Variants in SH2D3C observed in about 807,000 individuals in gnomAD.
The protein encoded by SH2D3C is SH2 domain containing 3C.
SH2D3C carries 25 observed loss-of-function variants against 75.2 expected under a neutral mutation model. That is an observed-to-expected ratio of 0.33 (90% CI 0.24 to 0.46). SH2D3C has a LOEUF of 0.46. Ranked by LOEUF, SH2D3C falls within the 20% of genes least tolerant of loss-of-function variation. The pLI is 1.00. For missense variants in SH2D3C, 933 were observed against 1,165.3 expected (o/e 0.80, Z 2.90); for synonymous variants, 450 against 473.7 (o/e 0.95, Z 0.65).
Position 127,739,441 on chromosome 9 carries a change from C to T in SH2D3C, c.2407+241G>A, listed in dbSNP as rs1302749529. Among the ~76,000 whole-genome samples, 1 of 151,540 alleles carries T rather than the reference C, an allele frequency of 6.6e-6. No individual in the cohort carries two copies. The highest frequency in any genetic ancestry group is 2.4e-5 in the African/African-American group (1 of 41,178). The stretch of plus-strand genomic sequence containing the variant: ...AGGAGAATCGCTTGAACTTGGGAGG[C>T]GGAGGTTGCAGTGAGCCGAGACTGT... On this transcript the variant is annotated intron_variant, in intron 11 of 11. Transcript: ENST00000314830. The surrounding 1 kb of genome is among the most constrained non-coding windows in gnomAD (Gnocchi z 4.3).
chr9:127,767,400 G>T, intron 2 of SH2D3C: 2 of 1,168,164 alleles, frequency 1.7e-6, no homozygotes, highest in Non-Finnish European at 2.3e-6. Flanking sequence ...GCATGCAGCT[G>T]CTCAGACTAG....
At chr9:127,761,860 C>CATTT (rs1314308001) in intron 2 of SH2D3C, among the ~76,000 whole-genome samples, 2 of 152,196 alleles carry the variant, frequency 1.3e-5, no homozygotes, top group Admixed American at 6.5e-5. Flanking sequence ...TCTGAGCCTG[C>CATTT]ATTTCGTATC....
chr9:127,742,069 G>T, intron 8 of SH2D3C, 110 bp from the exon 9 acceptor site: 2 of 1,059,498 alleles, frequency 1.9e-6, no homozygotes, highest in Non-Finnish European at 2.7e-6. Flanking sequence ...CGGAGCCAAC[G>T]TGAGAGGTTG....
intron 1 of SH2D3C, among the ~76,000 whole-genome samples, chr9:127,775,349 G>A (rs920705571): frequency 6.6e-6 from 1 of 152,058 alleles, no homozygotes; most frequent in Non-Finnish European, 1.5e-5. Flanking sequence ...AAAAAGTAAG[G>A]CCTGGTGCCA....
intron 2 of SH2D3C, chr9:127,771,150 C>T (rs762311298): frequency 2.7e-6 from 4 of 1,496,262 alleles, no homozygotes; most frequent in Non-Finnish European, 3.6e-6. Context: ...CTCCTGCTCC[C>T]CGCTGGCCCT....
Position 127,774,201 on chromosome 9 carries a change from G to C in SH2D3C, c.304C>G (p.Pro102Ala). 6.2e-7 allele frequency: 1 copy of C among 1,613,882 alleles called. No individual in the cohort carries two copies. Among genetic ancestry groups the C allele is most frequent in the Non-Finnish European group, 8.5e-7 (1 of 1,179,918 alleles). The change falls in exon 2 of 12, where the codon CCC (proline) becomes GCC (alanine). Residue 102 changes from proline (P) to alanine (A), a missense_variant. Transcript: ENST00000314830. This position sits in a 1 kb window ranked among gnomAD's most constrained non-coding sequence, Gnocchi z 4.3. Reference protein sequence around the residue: ...QAARQAQEAGPKPNLVPGGVP... With the variant: ...QAARQAQEAGAKPNLVPGGVP... ...CCTCCGGGTACCAAGTTGGGCTTGG[G>C]ACCCGCCTCCTGGGCCTGCCGGGCA...
intron 6 of SH2D3C, among the ~76,000 whole-genome samples, chr9:127,746,409 C>A (rs1810566428): frequency 6.6e-6 from 1 of 152,166 alleles, no homozygotes; most frequent in African/African-American, 2.4e-5. Context: ...ATGTTTCTAA[C>A]AGAGAAACTT....
At chr9:127,745,152 A>G in intron 6 of SH2D3C, 53 bp from the exon 7 acceptor site, 3 of 1,405,710 alleles carry the variant, frequency 2.1e-6, no homozygotes, top group Non-Finnish European at 2.8e-6. Flanking sequence ...CACCAAAGTG[A>G]GATTCCCGCA....
chr9:127,755,452 AGC>A (rs1845354488), intron 3 of SH2D3C: 1 of 253,418 alleles, frequency 3.9e-6, no homozygotes, highest in African/African-American at 2.3e-5. Context: ...GCGGGCGCGG[AGC>A]GGAGGACCTG....
Position 127,742,930 on chromosome 9 carries a change from T to C in SH2D3C, c.1835A>G (p.Gln612Arg), listed in dbSNP as rs747830158. ...ARILGVTKEM[Q>R]TLMGVRWGME... ...GCCCCAGCGGACTCCCATTAGGGTC[T>C]GCATCTCCTTGGTAACGCCCAGTAT... The change falls in exon 8 of 12, where the codon CAG becomes CGG. Residue 612 changes from glutamine to arginine, a missense_variant. Physicochemically the swap from Gln to Arg is conservative, Grantham distance 43. Coordinates refer to ENST00000314830, the MANE Select transcript of SH2D3C (RefSeq NM_170600.3). 5.0e-6 allele frequency: 8 copies of C among 1,613,792 alleles called. No individual in the cohort carries two copies. In the African/African-American group the frequency reaches 1.1e-4, roughly 22 times the overall value.
chr9:127,744,260 G>A (rs1022608590), intron 7 of SH2D3C, among the ~76,000 whole-genome samples: 2 of 151,814 alleles, frequency 1.3e-5, no homozygotes, highest in African/African-American at 4.8e-5. Flanking sequence ...TAGTAGAGAC[G>A]GGGTTTCGCC....
intron 2 of SH2D3C, among the ~76,000 whole-genome samples, chr9:127,770,471 T>A (rs1002803314): frequency 3.3e-5 from 5 of 152,126 alleles, no homozygotes; most frequent in Non-Finnish European, 5.9e-5. Context: ...AGGACCAGAA[T>A]GGGGCAGGGC....
intron 2 of SH2D3C, among the ~76,000 whole-genome samples, chr9:127,768,176 C>T (rs935116474): frequency 6.6e-6 from 1 of 152,218 alleles, no homozygotes; most frequent in South Asian, 2.1e-4. Flanking sequence ...GACCCCCACC[C>T]CTGGTGGGTA....
Position 127,754,679 on chromosome 9 carries a change from C to G in SH2D3C, c.556-3379G>C, listed in dbSNP as rs1006031730. ...CTGCTCCTCACTCAGTCTTCAGATC[C>G]CAGTCCGGCGCCCCCGGTACAATGG... is the stretch of plus-strand genomic sequence containing the variant. On this transcript the variant is annotated intron_variant, in intron 3 of 11. Coordinates refer to ENST00000314830, the MANE Select transcript of SH2D3C (RefSeq NM_170600.3). The surrounding 1 kb of genome is among the most constrained non-coding windows in gnomAD (Gnocchi z 4.4). Among the ~76,000 whole-genome samples, 1 of 152,062 alleles carries G rather than the reference C, an allele frequency of 6.6e-6. No homozygotes were observed. The highest frequency in any genetic ancestry group is 2.4e-5 in the African/African-American group (1 of 41,408).
intron 6 of SH2D3C, among the ~76,000 whole-genome samples, chr9:127,746,229 G>C (rs987419014): frequency 2.6e-5 from 4 of 152,166 alleles, no homozygotes; most frequent in African/African-American, 9.7e-5. Flanking sequence ...TCTGTGTTTA[G>C]GGAAGGATTT....
At chr9:127,773,563 T>A (rs954554217) in intron 2 of SH2D3C, among the ~76,000 whole-genome samples, 3 of 152,146 alleles carry the variant, frequency 2.0e-5, no homozygotes, top group African/African-American at 7.2e-5. Context: ...TAATTACAAG[T>A]AAAGGGTTTA....
chr9:127,769,653 T>A (rs1451023980), intron 2 of SH2D3C, among the ~76,000 whole-genome samples: 3 of 123,032 alleles, frequency 2.4e-5, no homozygotes, highest in African/African-American at 1.0e-4. Flanking sequence ...CAAAACTCCA[T>A]CTCGAAAAAA....
In SH2D3C at chr9:127,754,183, CG is replaced by C. The variant is rs772810620; in HGVS notation, c.556-2884del. On this transcript the variant is annotated intron_variant, in intron 3 of 11. Transcript: ENST00000314830. This position sits in a 1 kb window ranked among gnomAD's most constrained non-coding sequence, Gnocchi z 4.4. ...TGCTATTGGCCAGAGATGATCTCAC[CG>C]CCTCCCGGCCTGCGCGCGCCTGATT... Among the ~76,000 whole-genome samples the C allele has an allele frequency of 2.6e-4, 39 of 152,202 alleles. No individual in the cohort carries two copies. Among genetic ancestry groups the C allele is most frequent in the Non-Finnish European group, 4.4e-4 (30 of 68,010 alleles).
In SH2D3C at chr9:127,743,046, G is replaced by A. The variant is rs911057539; in HGVS notation, c.1801-82C>T. On this transcript the variant is annotated intron_variant, in intron 7 of 11. Coordinates refer to ENST00000314830, the MANE Select transcript of SH2D3C (RefSeq NM_170600.3). ...TGGGAGTCAGAGAGCTTTATCTAAG[G>A]GGGTAGGTAGCCTGGTTGGGAGGCG... The A allele has an allele frequency of 4.2e-6, 4 of 947,662 alleles. No homozygotes were observed. The Admixed American group carries it at 9.3e-5, about 22-fold the overall frequency. 58.7% of individuals were successfully genotyped at this position (947,662 alleles called of 1,614,324 possible).
Sources: gnomAD v4.1 joint callset for allele counts (sites outside exome capture counted in the v4.1 genomes callset) on GRCh38, gnomAD v4.1.1 for gene constraint, Gnocchi (gnomAD v3.1) non-coding constraint, MANE v1.5 for transcripts, NCBI Gene and HGNC (gene_info 2026-07-23, HGNC 2026-07-21) for gene names.